The following RUNX2 variants were observed in gnomAD, a reference collection of about 807,000 sequenced individuals.
RUNX2 encodes runt-related transcription factor 2.
In RUNX2, 10 loss-of-function variants were observed where a neutral mutation model predicts 51.7. The observed-to-expected ratio is 0.19, with a 90% CI of 0.12 to 0.33. The LOEUF is 0.33. Among genes scored for constraint, RUNX2 ranks in the 10% least tolerant of loss-of-function variants. RUNX2 has a pLI of 1.00. For synonymous variants in RUNX2, 276 were observed against 273.6 expected (o/e 1.01, Z -0.09); for missense variants, 562 against 691.3 (o/e 0.81, Z 2.10).
At chr6:45,341,634 G>A (rs1789801480) in intron 2 of RUNX2, among the ~76,000 whole-genome samples, 1 of 152,122 alleles carries the variant, frequency 6.6e-6, no homozygotes, top group African/African-American at 2.4e-5. Flanking sequence ...CATAAGACTC[G>A]AGGTAACAAA....
intron 2 of RUNX2, among the ~76,000 whole-genome samples, chr6:45,339,422 C>A (rs182051338): frequency 1.3e-5 from 2 of 152,110 alleles, no homozygotes; most frequent in Non-Finnish European, 2.9e-5. Flanking sequence ...AAATGCATAT[C>A]CAAAATATAT....
At chr6:45,502,219 A>G (rs1276076199) in intron 6 of RUNX2, among the ~76,000 whole-genome samples, 1 of 152,150 alleles carries the variant, frequency 6.6e-6, no homozygotes, top group African/African-American at 2.4e-5. Context: ...CTAAAGCAGC[A>G]CACTGCTCTC....
chr6:45,476,521 A>G (rs2819866), intron 5 of RUNX2, among the ~76,000 whole-genome samples: 40,318 of 152,136 alleles, frequency 0.27, 6,053 homozygotes, highest in Non-Finnish European at 0.34. Context: ...CAAGTGACAC[A>G]TACAGAGCCA....
At chr6:45,405,175 A>G (rs978277492) in intron 2 of RUNX2, among the ~76,000 whole-genome samples, 6 of 152,316 alleles carry the variant, frequency 3.9e-5, no homozygotes, top group African/African-American at 1.2e-4. Flanking sequence ...CAATTTTTCC[A>G]CCTGTAAGCC....
intron 5 of RUNX2, among the ~76,000 whole-genome samples, chr6:45,453,271 G>A (rs1799225685): frequency 6.6e-6 from 1 of 152,224 alleles, no homozygotes; most frequent in Non-Finnish European, 1.5e-5. Context: ...CTGGAGAGAG[G>A]TTTGGTTTCC....
rs570081382 is a variant in RUNX2, at chr6:45,427,648, A to G, written c.424-4215A>G. Among the ~76,000 whole-genome samples the G allele has an allele frequency of 3.3e-5, 5 of 152,312 alleles. No individual in the cohort carries two copies. The South Asian group carries it at 1.0e-3, about 32-fold the overall frequency. On this transcript the variant is annotated intron_variant, in intron 3 of 8. Transcript: ENST00000647337. ...TATCTTGAAAAATAATTATATTTCA[A>G]TTATACCGCAAGTACAATATCCTGA...
chr6:45,408,541 G>A (rs1270600470), intron 2 of RUNX2, among the ~76,000 whole-genome samples: 1 of 152,002 alleles, frequency 6.6e-6, no homozygotes, highest in Non-Finnish European at 1.5e-5. Context: ...TGAATCAAAT[G>A]TCTTTCAGAC....
rs145991937 is a variant in RUNX2 at position 45,535,371 on chromosome 6, G to A, written c.1022-9846G>A. On this transcript the variant is annotated intron_variant, in intron 7 of 8. Transcript: ENST00000647337. ...TGTAATCCCAGCACTTTGGGAGGCC[G>A]AGGCGGGCAGATCACGAGGTCAGGA... 5.9e-5 allele frequency among the ~76,000 whole-genome samples: 9 copies of A among 152,246 alleles called. 1 individual carries two copies. The highest frequency in any genetic ancestry group is 4.1e-4 in the South Asian group (2 of 4,820).
At chr6:45,538,032 T>C (rs1375497639) in intron 7 of RUNX2, among the ~76,000 whole-genome samples, 1 of 152,242 alleles carries the variant, frequency 6.6e-6, no homozygotes, top group African/African-American at 2.4e-5. Flanking sequence ...CTAATATCAG[T>C]TAAATGTCCC....
intron 6 of RUNX2, among the ~76,000 whole-genome samples, chr6:45,501,705 C>T (rs1800805143): frequency 6.6e-6 from 1 of 152,146 alleles, no homozygotes; most frequent in Non-Finnish European, 1.5e-5. Context: ...AGATGAGCTG[C>T]CTTCTAATCT....
intron 5 of RUNX2, among the ~76,000 whole-genome samples, chr6:45,486,722 G>C (rs191560421): frequency 7.0e-4 from 107 of 152,294 alleles, no homozygotes; most frequent in Middle Eastern, 3.4e-3. Context: ...CAGTGCATCA[G>C]GTTGTGGATA....
chr6:45,412,371 A>T (rs757706364), intron 2 of RUNX2, among the ~76,000 whole-genome samples: 46 of 151,306 alleles, frequency 3.0e-4, no homozygotes, highest in Non-Finnish European at 6.5e-4. Context: ...ATAAAAAATA[A>T]AAAACAAAAC....
chr6:45,396,388 G>A (rs993384240), intron 2 of RUNX2, among the ~76,000 whole-genome samples: 2 of 152,066 alleles, frequency 1.3e-5, no homozygotes, highest in African/African-American at 4.8e-5. Context: ...CATCCTAAAA[G>A]GATTGTTAAT....
rs1802432190 is a variant in RUNX2, at chr6:45,547,302, T to C, written c.1563T>C (p.Tyr521=). Residue 521 remains tyrosine (Y), a synonymous_variant, in exon 9 of 9, where the codon TAT becomes TAC. Transcript: ENST00000647337. ...GRMDESVWRP[Y] ...TGGATGAATCTGTTTGGCGACCATA[T>C]TGAAATTCCTCAGCAGTGGCCCAGT... 6.2e-7 allele frequency: 1 copy of C among 1,613,422 alleles called. No individual in the cohort carries two copies. The highest frequency in any genetic ancestry group is 1.1e-5 in the South Asian group (1 of 91,072).
intron 2 of RUNX2, chr6:45,422,265 T>C (rs1798220028): frequency 1.1e-5 from 3 of 282,126 alleles, no homozygotes; most frequent in Non-Finnish European, 2.0e-5. Flanking sequence ...GTCCCCCGCC[T>C]CCCCAGGCCA....
rs985956723 is a variant in RUNX2 at position 45,382,310 on chromosome 6, T to C, written c.59-40283T>C. ...ACATGCAGAAGTTAGACAATAAAAA[T>C]AAATGCCTAAAATAAATACCTAAAT... On this transcript the variant is annotated intron_variant, in intron 2 of 8. Transcript: ENST00000647337. Among the ~76,000 whole-genome samples, 3 of 152,100 alleles carry C rather than the reference T, an allele frequency of 2.0e-5. No homozygotes were observed. In the South Asian group the frequency reaches 6.2e-4, roughly 31 times the overall value.
At position 45,437,939 on chromosome 6, in the gene RUNX2, A is replaced by G. The variant is rs1798731881; in HGVS notation, c.581-8A>G. On this transcript the variant is annotated splice_region_variant and splice_polypyrimidine_tract_variant and intron_variant, in intron 4 of 8. Transcript: ENST00000647337. ...TTCACTGTATATTTTCCCCTTTTATATCTGCAGGCAAGAGTTTCACCTTGA... is the reference window on the plus strand; with the variant it reads ...TTCACTGTATATTTTCCCCTTTTATGTCTGCAGGCAAGAGTTTCACCTTGA... 6.3e-7 allele frequency: 1 copy of G among 1,595,834 alleles called. No homozygotes were observed. Among genetic ancestry groups the G allele is most frequent in the South Asian group, 1.1e-5 (1 of 90,738 alleles).
At chr6:45,412,823 C>T (rs1258829664) in intron 2 of RUNX2, among the ~76,000 whole-genome samples, 1 of 152,156 alleles carries the variant, frequency 6.6e-6, no homozygotes, top group East Asian at 1.9e-4. Context: ...CGGCTTACTG[C>T]AACCTCCGCC....
At chr6:45,450,903 G>A (rs1338164838) in intron 5 of RUNX2, among the ~76,000 whole-genome samples, 3 of 152,158 alleles carry the variant, frequency 2.0e-5, no homozygotes, top group East Asian at 1.9e-4. Flanking sequence ...ACCCAAGGCT[G>A]GTGTGGTGTA....
Sources: allele counts gnomAD v4.1 joint callset (sites outside exome capture counted in the v4.1 genomes callset), GRCh38; gene constraint gnomAD v4.1.1; transcripts MANE v1.5; gene names NCBI Gene and HGNC (gene_info 2026-07-23, HGNC 2026-07-21).